The following RIF1 variants were observed in gnomAD, a reference collection of about 807,000 sequenced individuals.
RIF1 encodes telomere-associated protein RIF1.
In RIF1, 45 loss-of-function variants were observed where a neutral mutation model predicts 247.1. The ratio of observed to expected loss-of-function variants is 0.18; its 90% CI spans 0.14 to 0.23. The LOEUF (loss-of-function observed/expected upper bound fraction) is 0.23. RIF1 is among the 10% of genes least tolerant of loss of function. RIF1 has a pLI of 1.00. For synonymous variants in RIF1, 1,087 were observed against 978.8 expected, an observed-to-expected ratio of 1.11 and a Z score of -2.06; for missense variants, 2,967 against 2,862.5, an observed-to-expected ratio of 1.04 and a Z score of -0.83.
chr2:151,526,224 G>A, the RIF1 span: 2 of 1,613,632 alleles, frequency 1.2e-6, no homozygotes, highest in Non-Finnish European at 1.7e-6. Flanking sequence ...CGGCATGGCA[G>A]GTTCCTCTTT....
chr2:151,451,194 T>A (rs1241953917), intron 20 of RIF1, among the ~76,000 whole-genome samples: 2 of 152,174 alleles, frequency 1.3e-5, no homozygotes, highest in African/African-American at 4.8e-5. Flanking sequence ...AAGCAGAACG[T>A]TATAATACGG....
chr2:151,478,706 TA>T lies in RIF1; in HGVS notation c.*3640del, dbSNP rs2049047944. ...GAGTGAGAATAGAGTAATTGCTTTT[TA>T]AAAAGAAAGTATAAATGGGTTAATT... On this transcript the variant is annotated 3_prime_UTR_variant, in exon 36 of 36. Transcript: ENST00000444746. 6.6e-6 allele frequency: 1 copy of T among 152,202 alleles called. No homozygotes were observed. Among genetic ancestry groups the T allele is most frequent in the Admixed American group, 6.5e-5 (1 of 15,282 alleles). 9.4% of individuals were successfully genotyped at this position (152,202 alleles called of 1,614,324 possible).
At chr2:151,414,176 G>A (rs1686783948) in intron 3 of RIF1, among the ~76,000 whole-genome samples, 1 of 151,944 alleles carries the variant, frequency 6.6e-6, no homozygotes, top group Non-Finnish European at 1.5e-5. Flanking sequence ...TAGGCATGGT[G>A]GCGCGCGCCT....
intron 29 of RIF1, among the ~76,000 whole-genome samples, 163 bp downstream of exon 29, chr2:151,462,629 A>C (rs933867352): frequency 6.8e-6 from 1 of 147,232 alleles, no homozygotes; most frequent in Non-Finnish European, 1.5e-5. Flanking sequence ...TACTAGCAGA[A>C]TATCAGCAGA....
the RIF1 span, chr2:151,527,525 G>T: frequency 1.9e-6 from 3 of 1,613,504 alleles, no homozygotes; most frequent in African/African-American, 1.3e-5. Context: ...AGGAAGTCCG[G>T]TCGGTCAGGA....
chr2:151,415,978 TG>T (rs1470629083), intron 4 of RIF1, among the ~76,000 whole-genome samples: 2 of 152,246 alleles, frequency 1.3e-5, no homozygotes, highest in African/African-American at 4.8e-5. Flanking sequence ...AAAAGTTCTT[TG>T]ACATGATAAA....
At chr2:151,498,003 G>A (rs1269374525) in intron 10 of RIF1, 5 of 1,434,222 alleles carry the variant, frequency 3.5e-6, no homozygotes, top group African/African-American at 2.9e-5. Context: ...GAGGATTTGA[G>A]ACTGTTAGAA....
chr2:151,426,168 A>T (rs1297927422), intron 8 of RIF1, among the ~76,000 whole-genome samples: 27 of 58,212 alleles, frequency 4.6e-4, no homozygotes, highest in South Asian at 2.1e-3. Flanking sequence ...TTGGCTTTTA[A>T]TTTTTTTTTT....
At chr2:151,533,345 T>C in the RIF1 span, 1 of 782,638 alleles carries the variant, frequency 1.3e-6, no homozygotes, top group Admixed American at 2.3e-5. Context: ...GAAGCCAGCA[T>C]GGGCAGGGAG....
chr2:151,491,378 A>G (rs533286934), intron 9 of RIF1: 27 of 260,700 alleles, frequency 1.0e-4, no homozygotes, highest in Admixed American at 8.4e-4. Context: ...CCCTTTGCCT[A>G]TGTATTTTAT....
intron 7 of RIF1, among the ~76,000 whole-genome samples, chr2:151,422,600 A>C (rs1044982976): frequency 6.6e-6 from 1 of 151,836 alleles, no homozygotes; most frequent in Non-Finnish European, 1.5e-5. Flanking sequence ...CCCAGGTTCA[A>C]GCAATTCTCA....
chr2:151,507,234 T>G lies in RIF1; in HGVS notation c.*1028-495T>G, dbSNP rs141134755. The G allele has an allele frequency of 6.4e-6, 3 of 465,672 alleles. No individual in the cohort carries two copies. The South Asian group carries it at 7.9e-5, about 12-fold the overall frequency. 28.8% of individuals were successfully genotyped at this position (465,672 alleles called of 1,614,324 possible). A position where few individuals can be genotyped will look rare whatever the true frequency, so the allele number is the denominator to read the frequency against. On this transcript the variant is annotated intron_variant and NMD_transcript_variant, in intron 13 of 13. Transcript: ENST00000454583. Reference sequence around the variant, plus strand: ...AGCTAGGGGTTTGTTTTTGTTTAAGTATCCCTTGCTTAGTAGATTTAACTT... The same window carrying G: ...AGCTAGGGGTTTGTTTTTGTTTAAGGATCCCTTGCTTAGTAGATTTAACTT...
intron 13 of RIF1, among the ~76,000 whole-genome samples, chr2:151,438,237 G>A (rs1020852131): frequency 3.3e-5 from 5 of 152,198 alleles, no homozygotes; most frequent in Admixed American, 2.6e-4. Context: ...TGGCAGTTTG[G>A]GAGAGGCTAA....
the RIF1 span, chr2:151,531,694 G>T: frequency 1.1e-6 from 1 of 874,284 alleles, no homozygotes; most frequent in Non-Finnish European, 1.9e-6. Context: ...CCACTAAATG[G>T]CAGTAGTCTC....
At chr2:151,437,669 T>C (rs1479643752) in intron 13 of RIF1, among the ~76,000 whole-genome samples, 1 of 152,118 alleles carries the variant, frequency 6.6e-6, no homozygotes, top group African/African-American at 2.4e-5. Context: ...GCAGCCTGGG[T>C]GATAGAGCAA....
At chr2:151,505,328 C>T (rs2067971990) in intron 12 of RIF1, 1 of 626,204 alleles carries the variant, frequency 1.6e-6, no homozygotes, top group Non-Finnish European at 2.7e-6. Flanking sequence ...CTTTTGCAAC[C>T]TGTAGTGACC....
intron 11 of RIF1, chr2:151,501,578 TG>T: frequency 4.9e-6 from 3 of 615,734 alleles, no homozygotes; most frequent in Non-Finnish European, 7.7e-6. Context: ...GTATTTTTAT[TG>T]TTGTTTTTAT....
intron 11 of RIF1, among the ~76,000 whole-genome samples, chr2:151,502,463 A>C (rs942656984): frequency 1.3e-5 from 2 of 152,142 alleles, no homozygotes; most frequent in African/African-American, 4.8e-5. Context: ...TAAAATTCTA[A>C]TTAACATTGT....
intron 13 of RIF1, chr2:151,506,494 T>TAACA (rs2068998777): frequency 2.1e-6 from 1 of 474,840 alleles, no homozygotes; most frequent in Admixed American, 3.9e-5. Flanking sequence ...TATACCATAC[T>TAACA]AACACAGGAT....
Sources: gnomAD v4.1 joint callset for allele counts (sites outside exome capture counted in the v4.1 genomes callset) on GRCh38, gnomAD v4.1.1 for gene constraint, MANE v1.5 for transcripts, NCBI Gene and HGNC (gene_info 2026-07-23, HGNC 2026-07-21) for gene names.